SSBP2: variants seen among roughly 807,000 people sequenced by gnomAD.
SSBP2 encodes the protein single stranded DNA binding protein 2.
SSBP2 carries 17 observed loss-of-function variants against 61.8 expected under a neutral mutation model. The observed-to-expected ratio is 0.28, with a 90% CI of 0.19 to 0.41. The LOEUF (loss-of-function observed/expected upper bound fraction) is 0.41, where lower values mean the gene tolerates loss of function less well. Among genes scored for constraint, SSBP2 ranks in the 10% least tolerant of loss-of-function variants. SSBP2 has a pLI of 1.00. For synonymous variants in SSBP2, 139 were observed against 141.3 expected (o/e 0.98, Z 0.12); for missense variants, 310 against 458.7 (o/e 0.68, Z 2.96).
intron 1 of SSBP2, among the ~76,000 whole-genome samples, chr5:81,669,347 C>T (rs559296983): frequency 2.2e-4 from 34 of 152,264 alleles, no homozygotes; most frequent in African/African-American, 7.9e-4. Context: ...GAACTGAAAA[C>T]TTATGTCCAC....
chr5:81,750,760 T>G (rs1271992036), intron 1 of SSBP2: 3 of 578,544 alleles, frequency 5.2e-6, no homozygotes, highest in African/African-American at 4.0e-5. Flanking sequence ...ACCCGGTCCC[T>G]CCCGCCGACA....
At chr5:81,481,343 C>T (rs914613041) in intron 6 of SSBP2, among the ~76,000 whole-genome samples, 10 of 152,042 alleles carry the variant, frequency 6.6e-5, no homozygotes, top group Admixed American at 1.3e-4. Flanking sequence ...AAGAACTGGA[C>T]GGGTGCAGTG....
chr5:81,664,109 T>G (rs527726027), intron 1 of SSBP2, among the ~76,000 whole-genome samples: 6 of 146,422 alleles, frequency 4.1e-5, no homozygotes, highest in Admixed American at 2.1e-4. Context: ...TTTTAACTTT[T>G]TTTTTTGTTT....
At chr5:81,483,173 G>A (rs1041598403) in intron 6 of SSBP2, among the ~76,000 whole-genome samples, 2 of 152,102 alleles carry the variant, frequency 1.3e-5, no homozygotes, top group Non-Finnish European at 2.9e-5. Flanking sequence ...CACTGTAAGA[G>A]ATATAATGAA....
At chr5:81,672,263 ATATTCATC>A (rs1751630340) in intron 1 of SSBP2, among the ~76,000 whole-genome samples, 1 of 93,854 alleles carries the variant, frequency 1.1e-5, no homozygotes, top group African/African-American at 3.1e-5. Flanking sequence ...AATTGAAAAG[ATATTCATC>A]TACATGGCAT....
intron 4 of SSBP2, among the ~76,000 whole-genome samples, chr5:81,557,544 G>A (rs1772700332): frequency 6.6e-6 from 1 of 151,990 alleles, no homozygotes. Flanking sequence ...CTAGTTTTAA[G>A]GCTTTTTCCC....
chr5:81,683,488 T>C (rs745458785), intron 1 of SSBP2, among the ~76,000 whole-genome samples: 2 of 152,152 alleles, frequency 1.3e-5, no homozygotes, highest in African/African-American at 2.4e-5. Context: ...TAACTAAAAA[T>C]GGATCATATA....
chr5:81,473,649 T>C, intron 8 of SSBP2, 51 bp downstream of exon 8: 1 of 1,502,016 alleles, frequency 6.7e-7, no homozygotes, highest in Non-Finnish European at 9.3e-7. Context: ...TTGATGGGCA[T>C]TTGGGTTGGT....
At chr5:81,662,343 C>T (rs528244305) in intron 1 of SSBP2, among the ~76,000 whole-genome samples, 42 of 151,612 alleles carry the variant, frequency 2.8e-4, no homozygotes, top group African/African-American at 8.9e-4. Context: ...GGCAGACGCC[C>T]GTAATCCCAG....
At chr5:81,719,860 A>C (rs1755435572) in intron 1 of SSBP2, among the ~76,000 whole-genome samples, 1 of 152,124 alleles carries the variant, frequency 6.6e-6, no homozygotes, top group Non-Finnish European at 1.5e-5. Context: ...AGGGTGTAAG[A>C]ACCATCCCTA....
At chr5:81,593,689 A>T (rs1468173503) in intron 4 of SSBP2, among the ~76,000 whole-genome samples, 4 of 152,250 alleles carry the variant, frequency 2.6e-5, no homozygotes, top group Non-Finnish European at 5.9e-5. Context: ...CCAATACTCA[A>T]CATTCTTAAA....
intron 1 of SSBP2, among the ~76,000 whole-genome samples, chr5:81,662,669 G>A (rs900318475): frequency 6.6e-6 from 1 of 152,014 alleles, no homozygotes; most frequent in Non-Finnish European, 1.5e-5. Flanking sequence ...GGGCATGGTG[G>A]TGGACATCTG....
At chr5:81,715,503 T>A (rs184372416) in intron 1 of SSBP2, among the ~76,000 whole-genome samples, 1 of 152,228 alleles carries the variant, frequency 6.6e-6, no homozygotes, top group Non-Finnish European at 1.5e-5. Context: ...AAGAAGGTAT[T>A]TACAAACAGA....
intron 1 of SSBP2, among the ~76,000 whole-genome samples, chr5:81,706,545 G>A (rs1342252909): frequency 6.6e-6 from 1 of 152,140 alleles, no homozygotes; most frequent in African/African-American, 2.4e-5. Flanking sequence ...CTATCCTGGT[G>A]ATACATATAC....
intron 4 of SSBP2, among the ~76,000 whole-genome samples, chr5:81,598,152 A>T (rs1743979664): frequency 6.6e-6 from 1 of 152,132 alleles, no homozygotes; most frequent in South Asian, 2.1e-4. Context: ...TCAAGCAAGG[A>T]ACAAAATCAC....
chr5:81,437,819 T>A (rs1418982269), intron 14 of SSBP2: 6 of 153,522 alleles, frequency 3.9e-5, no homozygotes, highest in Non-Finnish European at 8.7e-5. Flanking sequence ...TCTACATATA[T>A]TTTTTGAAAA....
intron 1 of SSBP2, among the ~76,000 whole-genome samples, chr5:81,750,372 G>A (rs1267519996): frequency 6.9e-6 from 1 of 144,178 alleles, no homozygotes; most frequent in Non-Finnish European, 1.5e-5. Flanking sequence ...GCGCGTCTCC[G>A]CGCCCCGCGG....
At chr5:81,681,519 C>T in intron 1 of SSBP2, among the ~76,000 whole-genome samples, 1 of 107,110 alleles carries the variant, frequency 9.3e-6, no homozygotes, top group South Asian at 3.1e-4. Context: ...GGCTCCACCT[C>T]AAAAAAAAAA....
intron 5 of SSBP2, among the ~76,000 whole-genome samples, chr5:81,502,438 T>C (rs137994488): frequency 8.0e-4 from 122 of 152,304 alleles, no homozygotes; most frequent in Middle Eastern, 6.8e-3. Context: ...CAGCTTCTTG[T>C]TTCCATCTAT....
Sources: gnomAD v4.1 joint callset for allele counts (sites outside exome capture counted in the v4.1 genomes callset) on GRCh38, gnomAD v4.1.1 for gene constraint, MANE v1.5 for transcripts, NCBI Gene and HGNC (gene_info 2026-07-23, HGNC 2026-07-21) for gene names.